Variants in CATSPERB observed in about 807,000 individuals in gnomAD.
The protein encoded by CATSPERB is catsper channel auxiliary subunit beta, also known as cation channel sperm-associated auxiliary subunit beta.
CATSPERB carries 93 observed loss-of-function variants against 128.3 expected under a neutral mutation model. That is an observed-to-expected ratio of 0.72 (90% CI 0.61 to 0.86). The LOEUF (loss-of-function observed/expected upper bound fraction) is 0.86, where lower values mean the gene tolerates loss of function less well. CATSPERB is among the 40% of genes least tolerant of loss of function. The pLI, the probability that CATSPERB is intolerant of heterozygous loss-of-function variation, is 0.00. For synonymous variants in CATSPERB, 381 were observed against 448.8 expected (o/e 0.85, Z 1.91); for missense variants, 1,153 against 1,329.5 (o/e 0.87, Z 2.06).
At chr14:91,599,362 A>C (rs1174082214) in intron 22 of CATSPERB, among the ~76,000 whole-genome samples, 2 of 152,024 alleles carry the variant, frequency 1.3e-5, no homozygotes, top group Non-Finnish European at 2.9e-5. Flanking sequence ...GATTGAGACC[A>C]TCCTGGCTAA....
At chr14:91,663,115 C>CT (rs1566722717) in intron 14 of CATSPERB, among the ~76,000 whole-genome samples, 1 of 151,938 alleles carries the variant, frequency 6.6e-6, no homozygotes, top group African/African-American at 2.4e-5. Context: ...CCCCCTCCTC[C>CT]TTTTTTTAAA....
intron 2 of CATSPERB, among the ~76,000 whole-genome samples, chr14:91,726,355 C>T (rs1449310661): frequency 1.3e-5 from 2 of 152,206 alleles, no homozygotes; most frequent in Non-Finnish European, 2.9e-5. Context: ...CCTGCACCTG[C>T]CCATCTGCAT....
intron 15 of CATSPERB, among the ~76,000 whole-genome samples, chr14:91,656,706 C>T (rs1304383748): frequency 2.6e-5 from 4 of 152,016 alleles, no homozygotes; most frequent in Admixed American, 2.6e-4. Context: ...AATCAAAAGA[C>T]ATAGAGTGCC....
intron 7 of CATSPERB, among the ~76,000 whole-genome samples, chr14:91,700,835 C>G (rs1895636098): frequency 6.6e-6 from 1 of 152,088 alleles, no homozygotes; most frequent in Non-Finnish European, 1.5e-5. Flanking sequence ...GGGAAGGGAG[C>G]AATGGTTGAA....
intron 5 of CATSPERB, among the ~76,000 whole-genome samples, chr14:91,716,559 C>T (rs1206690358): frequency 6.6e-6 from 1 of 152,076 alleles, no homozygotes; most frequent in African/African-American, 2.4e-5. Flanking sequence ...GCCTGGGCAA[C>T]AGAGCAGATT....
chr14:91,690,866 A>G (rs1895457273), intron 10 of CATSPERB, among the ~76,000 whole-genome samples: 1 of 152,208 alleles, frequency 6.6e-6, no homozygotes, highest in Admixed American at 6.5e-5. Flanking sequence ...TGCTCACTCT[A>G]TGAGGACAGA....
Position 91,597,676 on chromosome 14 carries a change from C to T in CATSPERB, c.2710-5674G>A, listed in dbSNP as rs138843056. ...TGCCCACCTCTTCTGCGATAGTCCC[C>T]GGGCCTTGAGGAGTTGAATGGCTTT... On this transcript the variant is annotated intron_variant, in intron 22 of 26. Coordinates refer to ENST00000256343, the MANE Select transcript of CATSPERB (RefSeq NM_024764.4). Among the ~76,000 whole-genome samples the T allele has an allele frequency of 7.2e-4, 109 of 152,222 alleles. 1 individual carries two copies. The highest frequency in any genetic ancestry group is 2.2e-3 in the African/African-American group (91 of 41,524).
intron 14 of CATSPERB, among the ~76,000 whole-genome samples, chr14:91,669,155 CAG>C (rs1895042339): frequency 1.3e-5 from 2 of 152,136 alleles, no homozygotes; most frequent in Non-Finnish European, 1.5e-5. Flanking sequence ...GACCTAGAAA[CAG>C]GGTATCATCT....
chr14:91,616,830 C>T (rs761958391), intron 20 of CATSPERB, among the ~76,000 whole-genome samples: 11 of 149,436 alleles, frequency 7.4e-5, no homozygotes, highest in Non-Finnish European at 1.5e-4. Flanking sequence ...CAACCTCTGC[C>T]TCCCAGGTTC....
intron 19 of CATSPERB, among the ~76,000 whole-genome samples, chr14:91,619,162 T>C (rs549149085): frequency 5.6e-4 from 86 of 152,222 alleles, no homozygotes; most frequent in African/African-American, 2.0e-3. Context: ...ATCCTAAAAA[T>C]TCAGAAATGG....
At chr14:91,592,138 A>T in intron 22 of CATSPERB, 136 bp from the exon 23 acceptor site, 1 of 673,848 alleles carries the variant, frequency 1.5e-6, no homozygotes, top group Non-Finnish European at 2.6e-6. Context: ...GCAATTCATT[A>T]ATAATAAAGT....
chr14:91,613,898 G>A (rs1488516213), intron 20 of CATSPERB, among the ~76,000 whole-genome samples: 6 of 152,180 alleles, frequency 3.9e-5, no homozygotes, highest in African/African-American at 1.4e-4. Context: ...CACAGCGCAT[G>A]CACCCAAGGG....
chr14:91,655,347 C>A (rs1894769089), intron 15 of CATSPERB, among the ~76,000 whole-genome samples: 1 of 152,158 alleles, frequency 6.6e-6, no homozygotes. Context: ...AATAAGGCAC[C>A]AGAGACCGAT....
chr14:91,662,093 G>A (rs1394116862), intron 14 of CATSPERB, among the ~76,000 whole-genome samples: 2 of 151,768 alleles, frequency 1.3e-5, no homozygotes, highest in Non-Finnish European at 2.9e-5. Context: ...TGAACTGTGT[G>A]AACTGAAAAC....
At chr14:91,592,690 A>C (rs184462173) in intron 22 of CATSPERB, 5 of 151,996 alleles carry the variant, frequency 3.3e-5, no homozygotes, top group Non-Finnish European at 7.4e-5. Context: ...TGAAAAAAAA[A>C]TTTTTTGGTA....
At chr14:91,615,528 C>A (rs1893919081) in intron 20 of CATSPERB, among the ~76,000 whole-genome samples, 1 of 152,194 alleles carries the variant, frequency 6.6e-6, no homozygotes, top group African/African-American at 2.4e-5. Context: ...ATTTCACATA[C>A]AACCGAGGAT....
chr14:91,599,719 T>A (rs1432043845), intron 22 of CATSPERB, among the ~76,000 whole-genome samples: 2 of 152,044 alleles, frequency 1.3e-5, no homozygotes, highest in Non-Finnish European at 2.9e-5. Context: ...GTACATTGGT[T>A]CAGTCTGGAA....
chr14:91,722,576 TTAG>T (rs1429646061), intron 4 of CATSPERB, among the ~76,000 whole-genome samples: 1 of 152,178 alleles, frequency 6.6e-6, no homozygotes, highest in African/African-American at 2.4e-5. Flanking sequence ...TATTCTGGAA[TTAG>T]TAGTGATGGT....
intron 17 of CATSPERB, among the ~76,000 whole-genome samples, chr14:91,631,683 A>G (rs1894280986): frequency 6.6e-6 from 1 of 151,946 alleles, no homozygotes; most frequent in Non-Finnish European, 1.5e-5. Flanking sequence ...AAACAAAAAT[A>G]ATAATAATAA....
Sources: allele counts gnomAD v4.1 joint callset (sites outside exome capture counted in the v4.1 genomes callset), GRCh38; gene constraint gnomAD v4.1.1; transcripts MANE v1.5; gene names NCBI Gene and HGNC (gene_info 2026-07-23, HGNC 2026-07-21).